The following KCNIP4 variants were observed in gnomAD, a reference collection of about 807,000 sequenced individuals.
The protein encoded by KCNIP4 is Kv channel-interacting protein 4.
In KCNIP4, 12 loss-of-function variants were observed where a neutral mutation model predicts 34.0. That is an observed-to-expected ratio of 0.35 (90% CI 0.23 to 0.57). The LOEUF is 0.57. KCNIP4 is among the 20% of genes least tolerant of loss of function. KCNIP4 has a pLI of 0.83. For missense variants in KCNIP4, 238 were observed against 311.7 expected (o/e 0.76, Z 1.78); for synonymous variants, 124 against 102.2 (o/e 1.21, Z -1.29).
chr4:20,867,881 G>A (rs867578463), intron 2 of KCNIP4, among the ~76,000 whole-genome samples: 6 of 152,160 alleles, frequency 3.9e-5, no homozygotes, highest in African/African-American at 7.2e-5. Context: ...GGCCTGTTGT[G>A]GGGTGGAGGG....
At chr4:20,931,281 T>C (rs1226681019) in intron 1 of KCNIP4, among the ~76,000 whole-genome samples, 1 of 152,000 alleles carries the variant, frequency 6.6e-6, no homozygotes, top group Non-Finnish European at 1.5e-5. Context: ...CATGGAGGCA[T>C]GGGTATACCT....
rs138053598 is a variant in KCNIP4, at chr4:21,352,334, C to T, written c.62-469625G>A. ...AAGCAGGGTGGGACGTCGCCTCACC[C>T]AGGAAGTGCAAGGGGTCAGGAGATT... On this transcript the variant is annotated intron_variant, in intron 1 of 8. Transcript: ENST00000382152. Among the ~76,000 whole-genome samples, 656 of 152,310 alleles carry T rather than the reference C, an allele frequency of 4.3e-3. 5 individuals are homozygous for T. Among genetic ancestry groups the T allele is most frequent in the African/African-American group, 0.014 (602 of 41,580 alleles).
At chr4:20,772,672 G>A (rs1168134663) in intron 3 of KCNIP4, among the ~76,000 whole-genome samples, 2 of 145,834 alleles carry the variant, frequency 1.4e-5, no homozygotes, top group Admixed American at 1.4e-4. Context: ...TCCGAGTTTC[G>A]CTCTTGTCTC....
chr4:21,620,058 G>C (rs977309749), intron 1 of KCNIP4, among the ~76,000 whole-genome samples: 1 of 152,218 alleles, frequency 6.6e-6, no homozygotes, highest in African/African-American at 2.4e-5. Context: ...ATATACACCA[G>C]AAATTTTAGG....
At chr4:21,211,444 G>A (rs1017375337) in intron 1 of KCNIP4, among the ~76,000 whole-genome samples, 7 of 152,002 alleles carry the variant, frequency 4.6e-5, no homozygotes, top group Admixed American at 1.3e-4. Context: ...ATAAAAGTGC[G>A]GACCCGATTG....
At chr4:21,011,177 T>C (rs1043225380) in intron 1 of KCNIP4, among the ~76,000 whole-genome samples, 3 of 152,234 alleles carry the variant, frequency 2.0e-5, no homozygotes, top group Admixed American at 6.5e-5. Context: ...TTTGCTTTCT[T>C]GTGAAATATG....
chr4:21,862,960 C>CAA (rs138398365), intron 1 of KCNIP4, among the ~76,000 whole-genome samples: 44,213 of 106,392 alleles, frequency 0.42, 9,141 homozygotes, highest in East Asian at 0.67. Context: ...GACTCCGTCT[C>CAA]AAAAAAAGAA....
chr4:21,439,554 G>A (rs759214626), intron 1 of KCNIP4, among the ~76,000 whole-genome samples: 7 of 152,174 alleles, frequency 4.6e-5, no homozygotes, highest in Non-Finnish European at 7.3e-5. Flanking sequence ...TGCAAGTTAG[G>A]ATGATCATGT....
intron 1 of KCNIP4, among the ~76,000 whole-genome samples, chr4:21,945,772 G>T (rs952653971): frequency 6.6e-6 from 1 of 151,646 alleles, no homozygotes; most frequent in African/African-American, 2.4e-5. Flanking sequence ...CTGTTAGCAG[G>T]ATTACGTTCT....
intron 1 of KCNIP4, among the ~76,000 whole-genome samples, chr4:21,785,610 T>TAAATAAATA (rs1553931494): frequency 8.1e-5 from 12 of 147,538 alleles, no homozygotes; most frequent in African/African-American, 2.4e-4. Flanking sequence ...AATAAATAAA[T>TAAATAAATA]AAATAAAATA....
At chr4:20,782,485 C>T (rs780108629) in intron 3 of KCNIP4, among the ~76,000 whole-genome samples, 1 of 152,162 alleles carries the variant, frequency 6.6e-6, no homozygotes, top group Non-Finnish European at 1.5e-5. Flanking sequence ...ACAGAGGTTC[C>T]CAAACCCAAA....
intron 1 of KCNIP4, among the ~76,000 whole-genome samples, chr4:21,464,403 T>G (rs1010246735): frequency 1.3e-5 from 2 of 152,044 alleles, no homozygotes; most frequent in Non-Finnish European, 2.9e-5. Flanking sequence ...ATCTTCATTT[T>G]CATTTCTCTC....
intron 1 of KCNIP4, among the ~76,000 whole-genome samples, chr4:21,266,971 A>G (rs992510174): frequency 2.6e-5 from 4 of 152,192 alleles, no homozygotes; most frequent in Admixed American, 2.6e-4. Context: ...CACGTAGTCT[A>G]TGTCTCAGTT....
intron 1 of KCNIP4, among the ~76,000 whole-genome samples, chr4:21,368,512 T>G (rs1720020997): frequency 6.8e-6 from 1 of 147,306 alleles, no homozygotes; most frequent in African/African-American, 2.7e-5. Context: ...CTAAATCCAA[T>G]TATTAGTCCA....
chr4:21,802,764 A>T lies in KCNIP4; in HGVS notation c.61+145807T>A, dbSNP rs140213377. 1.6e-3 allele frequency among the ~76,000 whole-genome samples: 245 copies of T among 152,300 alleles called. 1 individual carries two copies. The highest frequency in any genetic ancestry group is 2.8e-3 in the Non-Finnish European group (189 of 68,024). Reference sequence around the variant, plus strand: ...AATAAAAAAGCACAAAAATAAAGACACGGTTCCAATAACATCTAAAAAAGA... The same window carrying T: ...AATAAAAAAGCACAAAAATAAAGACTCGGTTCCAATAACATCTAAAAAAGA... On this transcript the variant is annotated intron_variant, in intron 1 of 8. Coordinates refer to ENST00000382152, the MANE Select transcript of KCNIP4 (RefSeq NM_025221.6).
intron 1 of KCNIP4, among the ~76,000 whole-genome samples, chr4:21,701,475 T>G (rs115947066): frequency 0.013 from 1,937 of 152,254 alleles, 37 homozygotes; most frequent in African/African-American, 0.044. Flanking sequence ...TTAATCTTTC[T>G]GCAATAACCA....
rs146971670 is a variant in KCNIP4, at chr4:21,751,326, T to C, written c.61+197245A>G. Reference sequence around the variant, plus strand: ...TGAGACAATTGAGGCAATGCAAATATGGATATATGAACTGAATCTTAAATT... The same window carrying C: ...TGAGACAATTGAGGCAATGCAAATACGGATATATGAACTGAATCTTAAATT... On this transcript the variant is annotated intron_variant, in intron 1 of 8. Coordinates refer to ENST00000382152, the MANE Select transcript of KCNIP4 (RefSeq NM_025221.6). Among the ~76,000 whole-genome samples, 23 of 152,228 alleles carry C rather than the reference T, an allele frequency of 1.5e-4. No individual in the cohort carries two copies. The South Asian group carries it at 4.8e-3, about 32-fold the overall frequency.
intron 2 of KCNIP4, among the ~76,000 whole-genome samples, chr4:20,865,524 CA>C (rs1722791831): frequency 6.6e-6 from 1 of 151,714 alleles, no homozygotes; most frequent in Non-Finnish European, 1.5e-5. Context: ...GAATACTATT[CA>C]ACATTAAAAA....
intron 1 of KCNIP4, among the ~76,000 whole-genome samples, chr4:21,933,425 C>A (rs1022259364): frequency 3.9e-5 from 6 of 152,102 alleles, no homozygotes; most frequent in African/African-American, 1.4e-4. Context: ...TCTTGTCTAT[C>A]TCTAAGTGTA....
Sources: allele counts gnomAD v4.1 joint callset (sites outside exome capture counted in the v4.1 genomes callset), GRCh38; gene constraint gnomAD v4.1.1; transcripts MANE v1.5; gene names NCBI Gene and HGNC (gene_info 2026-07-23, HGNC 2026-07-21).